UBA5: variants seen among roughly 807,000 people sequenced by gnomAD.
UBA5 encodes the protein ubiquitin like modifier activating enzyme 5.
Under a neutral mutation model 52.9 loss-of-function variants are expected in UBA5, and 28 were observed. That is an observed-to-expected ratio of 0.53 (90% CI 0.39 to 0.73). The LOEUF (loss-of-function observed/expected upper bound fraction) is 0.73, where lower values mean the gene tolerates loss of function less well. Among genes scored for constraint, UBA5 ranks in the 30% least tolerant of loss-of-function variants. The pLI, the probability that UBA5 is intolerant of heterozygous loss-of-function variation, is 0.00. For synonymous variants in UBA5, 135 were observed against 162.1 expected (o/e 0.83, Z 1.27); for missense variants, 388 against 492.7 (o/e 0.79, Z 2.01).
chr3:132,675,466 GTTAAT>G, intron 9 of UBA5, 83 bp downstream of exon 9: 4 of 1,530,522 alleles, frequency 2.6e-6, no homozygotes, highest in Non-Finnish European at 3.6e-6. Context: ...AAGATAAATG[GTTAAT>G]TTATTCACCA....
rs1938940029 is a variant in UBA5, at chr3:132,678,896, C to T, written c.*2370C>T. On this transcript the variant is annotated 3_prime_UTR_variant, in exon 12 of 12. Transcript: ENST00000356232. Reference sequence around the variant, plus strand: ...AACTCCTGACCTCAGGTGATCCACCCATCTTGGCCTCCCAAAGTGCTGGGA... The same window carrying T: ...AACTCCTGACCTCAGGTGATCCACCTATCTTGGCCTCCCAAAGTGCTGGGA... Among the ~76,000 whole-genome samples, 1 of 152,016 alleles carries T rather than the reference C, an allele frequency of 6.6e-6. No homozygotes were observed.
intron 3 of UBA5, 89 bp downstream of exon 3, chr3:132,666,162 G>A (rs896329892): frequency 2.8e-6 from 3 of 1,072,392 alleles, no homozygotes; most frequent in Admixed American, 1.9e-5. Flanking sequence ...TTCTTTACCA[G>A]TGGCTTATTG....
chr3:132,663,326 C>T (rs1938245294), intron 1 of UBA5, among the ~76,000 whole-genome samples: 1 of 152,106 alleles, frequency 6.6e-6, no homozygotes, highest in Admixed American at 6.5e-5. Flanking sequence ...CCTTCCCTAC[C>T]AGAAGAGGAG....
chr3:132,678,942 G>A lies in UBA5; in HGVS notation c.*2416G>A, dbSNP rs1203064356. Among the ~76,000 whole-genome samples, 6 of 151,828 alleles carry A rather than the reference G, an allele frequency of 4.0e-5. No individual in the cohort carries two copies. Among genetic ancestry groups the A allele is most frequent in the South Asian group, 2.1e-4 (1 of 4,810 alleles). ...TGGGATTATAGGTGTGAGCCACCAC[G>A]CCCAGCCAAGAATATTTACTAAAGG... On this transcript the variant is annotated 3_prime_UTR_variant, in exon 12 of 12. Coordinates refer to ENST00000356232, the MANE Select transcript of UBA5 (RefSeq NM_024818.6).
At chr3:132,673,145 G>A (rs975773920) in intron 8 of UBA5, among the ~76,000 whole-genome samples, 2 of 152,058 alleles carry the variant, frequency 1.3e-5, no homozygotes, top group Admixed American at 1.3e-4. Flanking sequence ...GACAGTAGTA[G>A]GCCCTGTCTA....
At chr3:132,674,925 A>T (rs1938766814) in intron 8 of UBA5, among the ~76,000 whole-genome samples, 1 of 152,184 alleles carries the variant, frequency 6.6e-6, no homozygotes, top group Non-Finnish European at 1.5e-5. Context: ...CTCTGAAATC[A>T]GCATGCTTCT....
rs2107952225 is a variant in UBA5, at chr3:132,676,275, G to C, written c.1132-168G>C. Among the ~76,000 whole-genome samples, 1 of 152,164 alleles carries C rather than the reference G, an allele frequency of 6.6e-6. No homozygotes were observed. The highest frequency in any genetic ancestry group is 1.5e-5 in the Non-Finnish European group (1 of 67,942). ...GCCTTGTAAATCAAAAGACTGGTGA[G>C]GAATGTAAAAGACTCTGTCTTTCTT... On this transcript the variant is annotated intron_variant, in intron 11 of 11. Transcript: ENST00000356232. The surrounding 1 kb of genome is among the most constrained non-coding windows in gnomAD (Gnocchi z 4.1).
intron 1 of UBA5, among the ~76,000 whole-genome samples, chr3:132,664,438 G>A (rs887752598): frequency 2.6e-5 from 4 of 152,114 alleles, no homozygotes; most frequent in East Asian, 1.9e-4. Flanking sequence ...TACCTTTGCC[G>A]TACCCTTTGC....
At position 132,660,880 on chromosome 3, in the gene UBA5, C is replaced by G; in HGVS notation, c.161+182C>G. 6.9e-7 allele frequency: 1 copy of G among 1,444,030 alleles called. No individual in the cohort carries two copies. The highest frequency in any genetic ancestry group is 9.1e-7 in the Non-Finnish European group (1 of 1,101,614). The allele number at this position is 1,444,030 out of a possible 1,614,324, so 89.5% of individuals were successfully genotyped here. A position where few individuals can be genotyped will look rare whatever the true frequency, so the allele number is the denominator to read the frequency against. ...GTACTGATCGGAAGATATTCTTTCT[C>G]TTTTTTAAAAACCTCCAGTGAGTCA... On this transcript the variant is annotated intron_variant, in intron 1 of 11. Transcript: ENST00000356232. The surrounding 1 kb of genome is among the most constrained non-coding windows in gnomAD (Gnocchi z 4.1).
At position 132,660,691 on chromosome 3, in the gene UBA5, C is replaced by T; in HGVS notation, c.154C>T (p.Pro52Ser). 1 of 1,561,560 alleles carries T rather than the reference C, an allele frequency of 6.4e-7. No homozygotes were observed. The highest frequency in any genetic ancestry group is 1.4e-5 in the African/African-American group (1 of 73,750). Residue 52 changes from proline (P) to serine (S), a missense_variant, in exon 1 of 12, where the codon CCC becomes TCC. Physicochemically the swap from Pro to Ser is moderately conservative, Grantham distance 74. Transcript: ENST00000356232. This position sits in a 1 kb window ranked among gnomAD's most constrained non-coding sequence, Gnocchi z 4.1. ...GAGCTCAGAGGTGGTGGATTCGAAT[C>T]CCTACAGGTAACCTGCGTCGCCGGT... Reference protein sequence around the residue: ...KMSSEVVDSNPYSRLMALKRM... With the variant: ...KMSSEVVDSNSYSRLMALKRM...
At chr3:132,659,562 A>G (rs754872249), upstream of UBA5, 2 of 1,608,044 alleles carry the variant, frequency 1.2e-6, no homozygotes, top group South Asian at 2.2e-5. Context: ...AACTCAATGT[A>G]CAAATTTTTT....
chr3:132,661,140 G>A (rs1428640251), intron 1 of UBA5: 1 of 1,114,888 alleles, frequency 9.0e-7, no homozygotes, highest in Non-Finnish European at 1.2e-6. Context: ...TGAGATATTC[G>A]GGTGCTCCTT....
At chr3:132,675,474 A>G (rs1378154123) in intron 9 of UBA5, 91 bp downstream of exon 9, 17 of 1,534,758 alleles carry the variant, frequency 1.1e-5, no homozygotes, top group Non-Finnish European at 1.4e-5. Flanking sequence ...TGGTTAATTT[A>G]TTCACCATAC....
chr3:132,655,871 C>T (rs1002609387), upstream of UBA5, among the ~76,000 whole-genome samples: 3 of 152,112 alleles, frequency 2.0e-5, no homozygotes, highest in Non-Finnish European at 4.4e-5. Flanking sequence ...TTGATTAATT[C>T]TAAATATTTT....
intron 3 of UBA5, chr3:132,667,974 T>C (rs138386154): frequency 1.3e-5 from 2 of 152,246 alleles, no homozygotes; most frequent in African/African-American, 4.8e-5. Context: ...CTAGGTGTTA[T>C]GGGTTAGGTT....
chr3:132,656,033 A>G (rs1217894746), upstream of UBA5, among the ~76,000 whole-genome samples: 1 of 152,184 alleles, frequency 6.6e-6, no homozygotes, highest in Non-Finnish European at 1.5e-5. Context: ...GAAACCCTGT[A>G]TGTCCTTCCC....
At chr3:132,664,701 A>T (rs926002140) in intron 1 of UBA5, among the ~76,000 whole-genome samples, 1 of 152,136 alleles carries the variant, frequency 6.6e-6, no homozygotes, top group Non-Finnish European at 1.5e-5. Flanking sequence ...GAGCTATAGC[A>T]TACAGGAAAC....
In UBA5 at chr3:132,668,941, C is replaced by T. The variant is rs1938488138; in HGVS notation, c.407+14C>T. 1 of 1,461,556 alleles carries T rather than the reference C, an allele frequency of 6.8e-7. No homozygotes were observed. 90.5% of individuals were successfully genotyped at this position (1,461,556 alleles called of 1,614,324 possible). ...ACATACTCTGAGGTAAATGGAATAG[C>T]AATCAAGTACCATATTCAGTGAAAT... On this transcript the variant is annotated intron_variant, in intron 4 of 11. Transcript: ENST00000356232.
At chr3:132,675,522 A>T (rs945565523) in intron 9 of UBA5, 83 bp from the exon 10 acceptor site, 2 of 1,511,280 alleles carry the variant, frequency 1.3e-6, no homozygotes, top group African/African-American at 2.8e-5. Context: ...TTGGTAAGAT[A>T]AAAAGCCTGT....
Sources: allele counts gnomAD v4.1 joint callset (sites outside exome capture counted in the v4.1 genomes callset), GRCh38; gene constraint gnomAD v4.1.1; non-coding constraint Gnocchi (gnomAD v3.1); transcripts MANE v1.5; gene names NCBI Gene and HGNC (gene_info 2026-07-23, HGNC 2026-07-21).